The following TF variants were observed in gnomAD, a reference collection of about 807,000 sequenced individuals.
TF encodes serotransferrin.
Under a neutral mutation model 82.4 loss-of-function variants are expected in TF, and 55 were observed. That is an observed-to-expected ratio of 0.67 (90% CI 0.54 to 0.84). The LOEUF (loss-of-function observed/expected upper bound fraction) is 0.84. TF is among the 40% of genes least tolerant of loss of function. TF has a pLI of 0.00. For synonymous variants in TF, 332 were observed against 332.6 expected (o/e 1.00, Z 0.02); for missense variants, 737 against 868.4 (o/e 0.85, Z 1.90).
Position 133,783,844 on chromosome 3 carries a change from C to CT in TF, c.*5225dup, listed in dbSNP as rs1934575765. The CT allele has an allele frequency of 6.6e-6, 1 of 152,272 alleles. No homozygotes were observed. Among genetic ancestry groups the CT allele is most frequent in the Non-Finnish European group, 1.5e-5 (1 of 68,062 alleles). 9.4% of individuals were successfully genotyped at this position (152,272 alleles called of 1,614,324 possible). On this transcript the variant is annotated 3_prime_UTR_variant, in exon 17 of 17. Coordinates refer to ENST00000402696, the MANE Select transcript of TF (RefSeq NM_001063.4). ...CCACTTTTCCTCCCCGACCTGCCGG[C>CT]TGCAGGGTCTCCCCGCCCAACCCTG...
At chr3:133,730,699 G>A in the TF span, among the ~76,000 whole-genome samples, 2 of 152,220 alleles carry the variant, frequency 1.3e-5, no homozygotes, top group Non-Finnish European at 2.9e-5. Context: ...GGATCCCTTT[G>A]AAGATTAATA....
chr3:133,795,935 T>G lies in TF; in HGVS notation c.*17315T>G, dbSNP rs944324721. 1 of 152,216 alleles carries G rather than the reference T, an allele frequency of 6.6e-6. No individual in the cohort carries two copies. The highest frequency in any genetic ancestry group is 2.4e-5 in the African/African-American group (1 of 41,394). 9.4% of individuals were successfully genotyped at this position (152,216 alleles called of 1,614,324 possible). A position where few individuals can be genotyped will look rare whatever the true frequency, so the allele number is the denominator to read the frequency against. On this transcript the variant is annotated 3_prime_UTR_variant, in exon 17 of 17. Coordinates refer to ENST00000402696, the MANE Select transcript of TF (RefSeq NM_001063.4). ...AGGTCATTTTTTTGTACTGAGCCCA[T>G]GCGCCAGGCCCCAACAGACCAAACT...
chr3:133,747,430 G>A (rs1320485925), intron 1 of TF: 1 of 152,292 alleles, frequency 6.6e-6, no homozygotes, highest in East Asian at 1.9e-4. Flanking sequence ...GCCATCCCTG[G>A]TGGCCCCTCC....
At chr3:133,673,496 C>G in the TF span, among the ~76,000 whole-genome samples, 2 of 152,214 alleles carry the variant, frequency 1.3e-5, no homozygotes, top group Non-Finnish European at 2.9e-5. Context: ...AAATGTGCTG[C>G]ATACACAGTG....
chr3:133,665,718 G>T, the TF span, among the ~76,000 whole-genome samples: 3 of 152,002 alleles, frequency 2.0e-5, no homozygotes, highest in African/African-American at 7.2e-5. Flanking sequence ...GCCGAGGTGG[G>T]CAGATCATCT....
chr3:133,727,811 G>A, the TF span, among the ~76,000 whole-genome samples: 1 of 115,898 alleles, frequency 8.6e-6, no homozygotes, highest in Non-Finnish European at 1.8e-5. Context: ...TCCTTTCCAT[G>A]TTTAGTGCTT....
chr3:133,741,652 T>C (rs1024804678), upstream of TF, among the ~76,000 whole-genome samples: 5 of 152,240 alleles, frequency 3.3e-5, no homozygotes, highest in African/African-American at 1.2e-4. Context: ...TTTTATGAAA[T>C]GATGTTCCCA....
chr3:133,776,459 T>C (rs976436618), intron 15 of TF, among the ~76,000 whole-genome samples: 1 of 152,208 alleles, frequency 6.6e-6, no homozygotes, highest in Non-Finnish European at 1.5e-5. Context: ...TAAGAGTATA[T>C]TTGAAGTCCT....
intron 2 of TF, among the ~76,000 whole-genome samples, chr3:133,749,741 A>G (rs1933608304): frequency 6.6e-6 from 1 of 152,188 alleles, no homozygotes; most frequent in South Asian, 2.1e-4. Flanking sequence ...GGAGCTGTCA[A>G]AGATAAGCAC....
chr3:133,767,975 A>G, intron 12 of TF, 54 bp from the exon 13 acceptor site: 1 of 1,611,804 alleles, frequency 6.2e-7, no homozygotes, highest in Non-Finnish European at 8.5e-7. Context: ...TCTTAAATAA[A>G]AGCTGCTTGC....
the TF span, among the ~76,000 whole-genome samples, chr3:133,709,142 G>A: frequency 1.3e-5 from 2 of 152,174 alleles, no homozygotes; most frequent in Non-Finnish European, 2.9e-5. Context: ...CCTCTAGGAT[G>A]GAGAAGGGAT....
chr3:133,669,763 C>T, the TF span, among the ~76,000 whole-genome samples: 1 of 152,166 alleles, frequency 6.6e-6, no homozygotes, highest in Non-Finnish European at 1.5e-5. Flanking sequence ...ACGATTGCTG[C>T]CAGATGGGCT....
At position 133,753,621 on chromosome 3, in the gene TF, G is replaced by T. The variant is rs1197767898; in HGVS notation, c.243G>T (p.Leu81=). The change falls in exon 3 of 17, where the codon CTG becomes CTT. Residue 81 remains leucine, a synonymous_variant. Transcript: ENST00000402696. ...IAANEADAVT[L]DAGLVYDAYL... is the part of the protein sequence containing the mutation. ...CAAACGAAGCGGATGCTGTGACACT[G>T]GATGCAGGTTTGGTGTATGATGCTT... The T allele has an allele frequency of 4.3e-6, 7 of 1,614,056 alleles. No individual in the cohort carries two copies. The highest frequency in any genetic ancestry group is 1.6e-4 in the Middle Eastern group (1 of 6,084).
chr3:133,719,485 A>G, the TF span, among the ~76,000 whole-genome samples: 2 of 152,154 alleles, frequency 1.3e-5, no homozygotes, highest in Non-Finnish European at 2.9e-5. Flanking sequence ...TATGAGGCTC[A>G]AAGTGTGTTC....
At chr3:133,720,249 C>T in the TF span, among the ~76,000 whole-genome samples, 1 of 152,030 alleles carries the variant, frequency 6.6e-6, no homozygotes, top group Non-Finnish European at 1.5e-5. Flanking sequence ...AATAGGTGGT[C>T]TTTATTGTGT....
At position 133,764,865 on chromosome 3, in the gene TF, T is replaced by C. The variant is rs1314529159; in HGVS notation, c.1298-10T>C. The C allele has an allele frequency of 6.2e-7, 1 of 1,613,532 alleles. No homozygotes were observed. Among genetic ancestry groups the C allele is most frequent in the Non-Finnish European group, 8.5e-7 (1 of 1,179,754 alleles). On this transcript the variant is annotated splice_polypyrimidine_tract_variant and intron_variant, in intron 10 of 16. Coordinates refer to ENST00000402696, the MANE Select transcript of TF (RefSeq NM_001063.4). ...GTTTAATGCCTTTTTCATTTTCTTT[T>C]CTCCTGCAGAGAGCGATAATTGTGA...
rs1196468669 is a variant in TF, at chr3:133,757,954, C to T, written c.1048+8C>T. 7 of 1,613,890 alleles carry T rather than the reference C, an allele frequency of 4.3e-6. No individual in the cohort carries two copies. Among genetic ancestry groups the T allele is most frequent in the Non-Finnish European group, 5.9e-6 (7 of 1,179,952 alleles). On this transcript the variant is annotated splice_region_variant and intron_variant, in intron 8 of 16. Coordinates refer to ENST00000402696, the MANE Select transcript of TF (RefSeq NM_001063.4). ...ATCTACGGGAAGGCACATGTGAGTA[C>T]CTGGGAAGAACCAGGTGACCACAAG...
At chr3:133,714,771 C>T in the TF span, among the ~76,000 whole-genome samples, 1 of 152,254 alleles carries the variant, frequency 6.6e-6, no homozygotes, top group Middle Eastern at 3.4e-3. Context: ...AAACCTCCGC[C>T]TCCTGGGTTG....
intron 11 of TF, among the ~76,000 whole-genome samples, chr3:133,766,064 T>C (rs976340477): frequency 2.6e-5 from 4 of 152,230 alleles, no homozygotes; most frequent in Admixed American, 2.6e-4. Flanking sequence ...GATCTAATGA[T>C]GGTGTTTTCA....
Sources: gnomAD v4.1 joint callset for allele counts (sites outside exome capture counted in the v4.1 genomes callset) on GRCh38, gnomAD v4.1.1 for gene constraint, MANE v1.5 for transcripts, NCBI Gene and HGNC (gene_info 2026-07-23, HGNC 2026-07-21) for gene names.